GUCY1A1: variants seen among roughly 807,000 people sequenced by gnomAD.
GUCY1A1 encodes guanylate cyclase soluble subunit alpha-1.
A neutral mutation model predicts 64.5 loss-of-function variants in GUCY1A1; 48 were observed. That is an observed-to-expected ratio of 0.74 (90% CI 0.59 to 0.95). GUCY1A1 has a LOEUF of 0.95. Ranked by LOEUF, GUCY1A1 falls within the 40% of genes least tolerant of loss-of-function variation. The probability of loss-of-function intolerance (pLI) is 0.00; values close to 1 mark genes in which losing one functional copy is unlikely to be tolerated. For missense variants in GUCY1A1, 804 were observed against 825.3 expected, an observed-to-expected ratio of 0.97 and a Z score of 0.32; for synonymous variants, 308 against 303.4, an observed-to-expected ratio of 1.02 and a Z score of -0.16.
At chr4:155,710,462 A>C (rs1258778342) in intron 5 of GUCY1A1, 80 bp from the exon 6 acceptor site, 1 of 862,580 alleles carries the variant, frequency 1.2e-6, no homozygotes, top group Non-Finnish European at 1.8e-6. Context: ...CAAATAACGC[A>C]AGTTGAAAAT....
chr4:155,725,610 T>C (rs1273024817), intron 9 of GUCY1A1, among the ~76,000 whole-genome samples: 1 of 152,104 alleles, frequency 6.6e-6, no homozygotes, highest in African/African-American at 2.4e-5. Flanking sequence ...ATTGATTGTT[T>C]TTAACAGTAT....
rs1341869365 is a variant in GUCY1A1, at chr4:155,731,426, A to C, written c.*1195A>C. 1 of 151,896 alleles carries C rather than the reference A, an allele frequency of 6.6e-6. No homozygotes were observed. The highest frequency in any genetic ancestry group is 1.5e-5 in the Non-Finnish European group (1 of 67,858). The allele number at this position is 151,896 out of a possible 1,614,324, so 9.4% of individuals were successfully genotyped here. A position where few individuals can be genotyped will look rare whatever the true frequency, so the allele number is the denominator to read the frequency against. ...CTACTTGAAATATCTTGACTTAAAA[A>C]AAACGACTGTTAGTATTGATGAAGC... On this transcript the variant is annotated 3_prime_UTR_variant, in exon 10 of 10. Transcript: ENST00000506455.
At chr4:155,697,781 G>A (rs1730605526) in intron 3 of GUCY1A1, among the ~76,000 whole-genome samples, 1 of 152,168 alleles carries the variant, frequency 6.6e-6, no homozygotes, top group African/African-American at 2.4e-5. Context: ...GCATAGCATA[G>A]TGTCATGTTG....
intron 2 of GUCY1A1, among the ~76,000 whole-genome samples, chr4:155,689,692 T>G (rs1467566298): frequency 6.6e-6 from 1 of 152,220 alleles, no homozygotes; most frequent in Admixed American, 6.5e-5. Flanking sequence ...GATTGTAGAT[T>G]GCACTCATCT....
chr4:155,668,958 T>A (rs975704274), intron 2 of GUCY1A1, among the ~76,000 whole-genome samples: 5 of 152,278 alleles, frequency 3.3e-5, no homozygotes, highest in Non-Finnish European at 7.4e-5. Flanking sequence ...AGGGAGATAG[T>A]ACATAGTCAA....
Position 155,734,535 on chromosome 4 carries a change from A to G in GUCY1A1, c.*4304A>G, listed in dbSNP as rs1043921811. On this transcript the variant is annotated 3_prime_UTR_variant, in exon 10 of 10. Transcript: ENST00000506455. ...AAACATGGATCATTTATTTCACCTC[A>G]TTTTGCACTTCAATGCAATTTCACT... The G allele has an allele frequency of 6.6e-6, 1 of 151,806 alleles. No individual in the cohort carries two copies. Among genetic ancestry groups the G allele is most frequent in the Admixed American group, 6.6e-5 (1 of 15,204 alleles). The allele number at this position is 151,806 out of a possible 1,614,324, so 9.4% of individuals were successfully genotyped here. A position where few individuals can be genotyped will look rare whatever the true frequency, so the allele number is the denominator to read the frequency against.
intron 2 of GUCY1A1, among the ~76,000 whole-genome samples, chr4:155,689,268 C>T (rs1409125673): frequency 6.6e-6 from 1 of 151,784 alleles, no homozygotes; most frequent in Non-Finnish European, 1.5e-5. Flanking sequence ...AGTGACTAAG[C>T]CTCTGCAAGG....
chr4:155,727,236 T>C (rs1734819778), intron 9 of GUCY1A1, among the ~76,000 whole-genome samples: 1 of 151,928 alleles, frequency 6.6e-6, no homozygotes, highest in Non-Finnish European at 1.5e-5. Context: ...CAAGCTTTCA[T>C]CGAAATGGTT....
intron 2 of GUCY1A1, among the ~76,000 whole-genome samples, chr4:155,688,829 G>C (rs1729356424): frequency 6.6e-6 from 1 of 151,850 alleles, no homozygotes; most frequent in Non-Finnish European, 1.5e-5. Flanking sequence ...AAATATAAAA[G>C]TTTAGTTAAA....
At chr4:155,702,921 C>T (rs1233683962) in intron 3 of GUCY1A1, among the ~76,000 whole-genome samples, 1 of 151,266 alleles carries the variant, frequency 6.6e-6, no homozygotes, top group East Asian at 1.9e-4. Context: ...AAATTTTTCA[C>T]TTTCCTCTGG....
At chr4:155,720,815 G>T (rs940483943) in intron 8 of GUCY1A1, among the ~76,000 whole-genome samples, 1 of 152,088 alleles carries the variant, frequency 6.6e-6, no homozygotes, top group Non-Finnish European at 1.5e-5. Flanking sequence ...TTTTTAAAAT[G>T]GTTGAGTAAA....
intron 7 of GUCY1A1, among the ~76,000 whole-genome samples, chr4:155,716,189 A>G (rs1226256750): frequency 6.6e-6 from 1 of 152,200 alleles, no homozygotes; most frequent in South Asian, 2.1e-4. Flanking sequence ...GGAGAAAGAC[A>G]GGTAAAGAAG....
intron 2 of GUCY1A1, among the ~76,000 whole-genome samples, chr4:155,682,582 G>C (rs1735940463): frequency 6.6e-6 from 1 of 152,060 alleles, no homozygotes; most frequent in South Asian, 2.1e-4. Context: ...TGAGGCCGGA[G>C]AATCGCTTGA....
At chr4:155,728,381 A>T (rs1023267076) in intron 9 of GUCY1A1, among the ~76,000 whole-genome samples, 3 of 151,794 alleles carry the variant, frequency 2.0e-5, no homozygotes, top group African/African-American at 7.2e-5. Context: ...GCCAGTATGA[A>T]CCAGATCTAG....
At chr4:155,704,250 G>A (rs772711323) in intron 4 of GUCY1A1, among the ~76,000 whole-genome samples, 27 of 152,286 alleles carry the variant, frequency 1.8e-4, no homozygotes, top group Admixed American at 3.3e-4. Flanking sequence ...GCTGGGGTTC[G>A]AGCCTGGGTT....
Position 155,708,313 on chromosome 4 carries a change from T to G in GUCY1A1, c.376+19T>G, listed in dbSNP as rs1472126575. 1 of 1,397,450 alleles carries G rather than the reference T, an allele frequency of 7.2e-7. No homozygotes were observed. 86.6% of individuals were successfully genotyped at this position (1,397,450 alleles called of 1,614,324 possible). A position where few individuals can be genotyped will look rare whatever the true frequency, so the allele number is the denominator to read the frequency against. On this transcript the variant is annotated intron_variant, in intron 5 of 9. Coordinates refer to ENST00000506455, the MANE Select transcript of GUCY1A1 (RefSeq NM_001130682.3). ...GCAGCAGGTAATAGAATTGTTTATG[T>G]AATTAGAAAGTATGCCATATACCTG...
intron 5 of GUCY1A1, among the ~76,000 whole-genome samples, chr4:155,709,455 C>T (rs1732249700): frequency 6.6e-6 from 1 of 152,126 alleles, no homozygotes; most frequent in Admixed American, 6.6e-5. Context: ...TATTATGTAT[C>T]GTTTACAATA....
chr4:155,732,180 G>A lies in GUCY1A1; in HGVS notation c.*1949G>A, dbSNP rs993109648. ...ACTCAAAAAGTTTATAATTCAATCA[G>A]AATTCAAAAAGTATTTTGTGTGTTT... On this transcript the variant is annotated 3_prime_UTR_variant, in exon 10 of 10. Transcript: ENST00000506455. 5.3e-5 allele frequency: 8 copies of A among 151,726 alleles called. No homozygotes were observed. The highest frequency in any genetic ancestry group is 1.7e-4 in the African/African-American group (7 of 41,340). 9.4% of individuals were successfully genotyped at this position (151,726 alleles called of 1,614,324 possible). A position where few individuals can be genotyped will look rare whatever the true frequency, so the allele number is the denominator to read the frequency against.
At position 155,731,109 on chromosome 4, in the gene GUCY1A1, A is replaced by C. The variant is rs1044786251; in HGVS notation, c.*878A>C. ...GAAGCAACATGGGAGTAAAGTAATC[A>C]TCCAGGGGACCCACCATAAAGGACA... On this transcript the variant is annotated 3_prime_UTR_variant, in exon 10 of 10. Coordinates refer to ENST00000506455, the MANE Select transcript of GUCY1A1 (RefSeq NM_001130682.3). 8.5e-5 allele frequency: 13 copies of C among 152,888 alleles called. No homozygotes were observed. Among genetic ancestry groups the C allele is most frequent in the Non-Finnish European group, 1.6e-4 (11 of 67,850 alleles). 9.5% of individuals were successfully genotyped at this position (152,888 alleles called of 1,614,324 possible).
Sources: gnomAD v4.1 joint callset for allele counts (sites outside exome capture counted in the v4.1 genomes callset) on GRCh38, gnomAD v4.1.1 for gene constraint, MANE v1.5 for transcripts, NCBI Gene and HGNC (gene_info 2026-07-23, HGNC 2026-07-21) for gene names.